Variants in PGM5 observed in about 807,000 individuals in gnomAD.
PGM5 encodes phosphoglucomutase-like protein 5.
In PGM5, 23 loss-of-function variants were observed where a neutral mutation model predicts 59.2. The observed-to-expected ratio is 0.39, with a 90% CI of 0.28 to 0.55. PGM5 has a LOEUF of 0.55. Ranked by LOEUF, PGM5 falls within the 20% of genes least tolerant of loss-of-function variation. The pLI is 0.66. For synonymous variants in PGM5, 214 were observed against 286.0 expected (o/e 0.75, Z 2.54); for missense variants, 574 against 748.3 (o/e 0.77, Z 2.72).
intron 10 of PGM5, among the ~76,000 whole-genome samples, chr9:68,524,864 A>G (rs920152273): frequency 6.6e-6 from 1 of 152,204 alleles, no homozygotes; most frequent in African/African-American, 2.4e-5. Context: ...CTCAGCCACC[A>G]AACAGATGTG....
rs782032898 is a variant in PGM5 at position 68,357,206 on chromosome 9, C to G, written c.79C>G (p.Leu27Val). 4 of 1,540,024 alleles carry G rather than the reference C, an allele frequency of 2.6e-6. No individual in the cohort carries two copies. In the South Asian group the frequency reaches 4.8e-5, roughly 18 times the overall value. Residue 27 changes from leucine to valine, a missense_variant, in exon 1 of 11, where the codon CTG becomes GTG. Coordinates refer to ENST00000396396, the MANE Select transcript of PGM5 (RefSeq NM_021965.4). The part of the protein sequence containing the change: ...EDQRPAGGGG[L>V]RRPTGLFEGQ... ...CCAGCGGCCGGCCGGCGGCGGGGGT[C>G]TGCGGCGACCCACCGGCCTCTTCGA...
chr9:68,499,627 T>C (rs1824540292), intron 10 of PGM5, among the ~76,000 whole-genome samples: 1 of 152,228 alleles, frequency 6.6e-6, no homozygotes, highest in South Asian at 2.1e-4. Context: ...TTGAGTGGTT[T>C]GTTAATTGGG....
intron 6 of PGM5, chr9:68,395,564 A>T (rs1822478012): frequency 6.6e-6 from 1 of 152,130 alleles, no homozygotes; most frequent in African/African-American, 2.4e-5. Flanking sequence ...TGAATCTTCC[A>T]TTCCATGAAT....
At chr9:68,447,372 C>T (rs1823628449) in intron 6 of PGM5, among the ~76,000 whole-genome samples, 1 of 152,236 alleles carries the variant, frequency 6.6e-6, no homozygotes, top group South Asian at 2.1e-4. Flanking sequence ...TTCAGTTTAT[C>T]CTTCCTGCGC....
intron 6 of PGM5, among the ~76,000 whole-genome samples, chr9:68,449,896 G>T (rs782652507): frequency 2.0e-5 from 3 of 152,182 alleles, no homozygotes; most frequent in African/African-American, 7.2e-5. Context: ...TTTAAATCCA[G>T]TGAGATGCTT....
chr9:68,361,622 A>C (rs1192444373), intron 1 of PGM5, among the ~76,000 whole-genome samples: 2 of 152,212 alleles, frequency 1.3e-5, no homozygotes, highest in African/African-American at 4.8e-5. Context: ...GGGCCCTCAC[A>C]TAGTGGGAGA....
chr9:68,359,042 A>G (rs1206852295), intron 1 of PGM5, among the ~76,000 whole-genome samples: 8 of 152,100 alleles, frequency 5.3e-5, no homozygotes, highest in Non-Finnish European at 1.5e-5. Context: ...TCCCGAGCCA[A>G]TTTTTTAGGG....
Position 68,356,646 on chromosome 9 carries a change from C to G in PGM5, c.-482C>G, listed in dbSNP as rs17081349. 2.8e-4 allele frequency among the ~76,000 whole-genome samples: 43 copies of G among 152,404 alleles called. No homozygotes were observed. In the East Asian group the frequency reaches 7.9e-3, roughly 28 times the overall value. On this transcript the variant is annotated 5_prime_UTR_variant, in exon 1 of 11. Coordinates refer to ENST00000396396, the MANE Select transcript of PGM5 (RefSeq NM_021965.4). ...GGAGACAGGGAGACGGGCCGGGCGC[C>G]GGAGAGGAACCCGGACTCTGCCCAA...
At chr9:68,413,335 G>A (rs1402431252) in intron 6 of PGM5, among the ~76,000 whole-genome samples, 1 of 151,870 alleles carries the variant, frequency 6.6e-6, no homozygotes, top group African/African-American at 2.4e-5. Flanking sequence ...AAGGCTCCCA[G>A]TGATGGTGAC....
intron 6 of PGM5, among the ~76,000 whole-genome samples, chr9:68,424,019 C>G (rs1277806280): frequency 6.6e-6 from 1 of 152,158 alleles, no homozygotes; most frequent in African/African-American, 2.4e-5. Flanking sequence ...TAGTCTGTGG[C>G]CAATTTTCTT....
Position 68,384,374 on chromosome 9 carries a change from G to T in PGM5, c.425-24G>T, listed in dbSNP as rs550534190. On this transcript the variant is annotated intron_variant, in intron 2 of 10. Coordinates refer to ENST00000396396, the MANE Select transcript of PGM5 (RefSeq NM_021965.4). ...AAACTCACGAGACTTTCAAAAACAT[G>T]TATTTTTGGTGTTCACATTTTAGGT... is the stretch of plus-strand genomic sequence containing the variant. The T allele has an allele frequency of 1.9e-6, 3 of 1,569,652 alleles. No individual in the cohort carries two copies. The East Asian group carries it at 6.7e-5, about 35-fold the overall frequency.
chr9:68,526,593 G>A (rs1824978927), intron 10 of PGM5, among the ~76,000 whole-genome samples: 1 of 152,154 alleles, frequency 6.6e-6, no homozygotes, highest in African/African-American at 2.4e-5. Flanking sequence ...CATACTGTTT[G>A]CCATTGTGAT....
At chr9:68,457,368 G>C (rs1280841800) in intron 6 of PGM5, among the ~76,000 whole-genome samples, 2 of 152,162 alleles carry the variant, frequency 1.3e-5, no homozygotes, top group Non-Finnish European at 2.9e-5. Flanking sequence ...GCAAGGAACA[G>C]GTATTTGCTT....
chr9:68,449,332 C>T (rs1554684202), intron 6 of PGM5, among the ~76,000 whole-genome samples: 1 of 152,222 alleles, frequency 6.6e-6, no homozygotes, highest in Admixed American at 6.5e-5. Context: ...AATTAAGACT[C>T]AGCTAGCCGA....
intron 6 of PGM5, among the ~76,000 whole-genome samples, chr9:68,443,748 C>T (rs1823566995): frequency 6.6e-6 from 1 of 152,344 alleles, no homozygotes; most frequent in South Asian, 2.1e-4. Flanking sequence ...CCAAGTCAAA[C>T]AGAAAACATA....
At chr9:68,496,564 C>T (rs1824486384) in intron 9 of PGM5, among the ~76,000 whole-genome samples, 1 of 152,238 alleles carries the variant, frequency 6.6e-6, no homozygotes, top group Non-Finnish European at 1.5e-5. Flanking sequence ...ATGCTATTCA[C>T]ATCTTTGTCA....
intron 6 of PGM5, chr9:68,394,454 A>G (rs1434595757): frequency 6.6e-6 from 1 of 152,158 alleles, no homozygotes; most frequent in Non-Finnish European, 1.5e-5. Flanking sequence ...GCAACAAGAG[A>G]ACAAGAGTGA....
rs181123383 is a variant in PGM5, at chr9:68,469,362, A to T, written c.1159+4154A>T. 1.2e-3 allele frequency among the ~76,000 whole-genome samples: 157 copies of T among 130,652 alleles called. 2 individuals carry two copies. Among genetic ancestry groups the T allele is most frequent in the South Asian group, 9.4e-3 (39 of 4,164 alleles). The allele number at this position is 130,652 out of a possible 152,430, so 85.7% of individuals were successfully genotyped here. ...TTCACAGAAATAATAGTGTTTTTTA[A>T]AAAAAAAATGAGCACTTAGTATGTA... On this transcript the variant is annotated intron_variant, in intron 7 of 10. Transcript: ENST00000396396.
rs569988752 is a variant in PGM5, at chr9:68,507,158, G to A, written c.1614+7797G>A. On this transcript the variant is annotated intron_variant, in intron 10 of 10. Coordinates refer to ENST00000396396, the MANE Select transcript of PGM5 (RefSeq NM_021965.4). ...GGTATTGCTGCACTTTGGAACTATG[G>A]GGGAGGGCAAAGTGTTGAAGAGAGA... is the stretch of plus-strand genomic sequence containing the variant. 2.6e-5 allele frequency among the ~76,000 whole-genome samples: 4 copies of A among 152,240 alleles called. No individual in the cohort carries two copies. In the South Asian group the frequency reaches 8.3e-4, roughly 32 times the overall value.
Sources: allele counts gnomAD v4.1 joint callset (sites outside exome capture counted in the v4.1 genomes callset), GRCh38; gene constraint gnomAD v4.1.1; transcripts MANE v1.5; gene names NCBI Gene and HGNC (gene_info 2026-07-23, HGNC 2026-07-21).